Variants in GALNT18 observed in about 807,000 individuals in gnomAD.
GALNT18 encodes the protein GalNAc-transferase 18.
GALNT18 carries 44 observed loss-of-function variants against 69.5 expected under a neutral mutation model. The observed-to-expected ratio is 0.63, with a 90% CI of 0.50 to 0.81. GALNT18 has a LOEUF of 0.81. Ranked by LOEUF, GALNT18 falls within the 40% of genes least tolerant of loss-of-function variation. The pLI is 0.00. For missense variants in GALNT18, 715 were observed against 810.0 expected (o/e 0.88, Z 1.42); for synonymous variants, 364 against 318.2 (o/e 1.14, Z -1.53).
intron 1 of GALNT18, among the ~76,000 whole-genome samples, chr11:11,529,694 C>T (rs1377356982): frequency 6.6e-6 from 1 of 151,980 alleles, no homozygotes; most frequent in African/African-American, 2.4e-5. Flanking sequence ...CATGTGTGCA[C>T]GTGCATGTTA....
In GALNT18 at chr11:11,497,354, A is replaced by ACACACACG. The variant is rs1485080723; in HGVS notation, c.236-48419_236-48418insCGTGTGTG. On this transcript the variant is annotated intron_variant, in intron 1 of 10. Transcript: ENST00000227756. This position sits in a 1 kb window ranked among gnomAD's most constrained non-coding sequence, Gnocchi z 4.2. The stretch of plus-strand genomic sequence containing the variant: ...CACACACACACACACACACACACAC[A>ACACACACG]CACACACACACACACACCCCTTAGA... Among the ~76,000 whole-genome samples the ACACACACG allele has an allele frequency of 6.0e-5, 9 of 151,046 alleles. No individual in the cohort carries two copies. The East Asian group carries it at 1.6e-3, about 26-fold the overall frequency.
intron 1 of GALNT18, among the ~76,000 whole-genome samples, chr11:11,594,915 G>A (rs1859459528): frequency 8.5e-6 from 1 of 116,960 alleles, no homozygotes; most frequent in African/African-American, 2.9e-5. Context: ...TACAAAATAT[G>A]CGTGTGTGTA....
At chr11:11,531,783 A>G (rs571197753) in intron 1 of GALNT18, among the ~76,000 whole-genome samples, 1 of 152,152 alleles carries the variant, frequency 6.6e-6, no homozygotes, top group South Asian at 2.1e-4. Context: ...TGGGTCTCTC[A>G]CCCTCTCTTA....
Position 11,340,866 on chromosome 11 carries a change from C to G in GALNT18, c.1231G>C (p.Asp411His), listed in dbSNP as rs753916277. Reference sequence around the variant, plus strand: ...ATGTAGACGTGGCTTTTAAATTCATCCATCCAGACTTCAGCCACCCTGAGA... The same window carrying G: ...ATGTAGACGTGGCTTTTAAATTCATGCATCCAGACTTCAGCCACCCTGAGA... ...NALRVAEVWM[D>H]EFKSHVYMAW... Residue 411 changes from aspartate (D) to histidine (H), a missense_variant, in exon 7 of 11, where the codon GAT becomes CAT. Transcript: ENST00000227756. The surrounding 1 kb of genome is among the most constrained non-coding windows in gnomAD (Gnocchi z 4.2). 6.2e-7 allele frequency: 1 copy of G among 1,613,954 alleles called. No homozygotes were observed. The highest frequency in any genetic ancestry group is 1.7e-5 in the Admixed American group (1 of 60,008).
chr11:11,518,659 CG>C (rs1374019978), intron 1 of GALNT18, among the ~76,000 whole-genome samples: 30 of 152,322 alleles, frequency 2.0e-4, no homozygotes, highest in Admixed American at 2.0e-4. Context: ...TGAAAACACA[CG>C]GACATAGAAA....
At chr11:11,301,997 A>G (rs1849503050) in intron 9 of GALNT18, among the ~76,000 whole-genome samples, 2 of 152,194 alleles carry the variant, frequency 1.3e-5, no homozygotes, top group Admixed American at 6.5e-5. Context: ...GCCTAAAGAG[A>G]GAGTAGTTTG....
chr11:11,566,110 T>C (rs1858644803), intron 1 of GALNT18, among the ~76,000 whole-genome samples: 1 of 152,176 alleles, frequency 6.6e-6, no homozygotes, highest in Non-Finnish European at 1.5e-5. Context: ...TTTTTTTAAA[T>C]TAAAAACATA....
chr11:11,448,842 C>T lies in GALNT18; in HGVS notation c.330G>A (p.Arg110=), dbSNP rs1370094104. The T allele has an allele frequency of 5.0e-6, 8 of 1,611,950 alleles. No individual in the cohort carries two copies. The Admixed American group carries it at 8.4e-5, about 17-fold the overall frequency. Residue 110 remains arginine (R), a synonymous_variant, in exon 2 of 11, where the codon CGG becomes CGA. Coordinates refer to ENST00000227756, the MANE Select transcript of GALNT18 (RefSeq NM_198516.3). ...HWGQELSPEG[R]RVALKQFQYY... The stretch of plus-strand genomic sequence containing the variant: ...ACTGGAATTGCTTCAGGGCCACGCG[C>T]CGGCCTTCGGGGCTGAGCTCCTGGC...
chr11:11,274,631 A>G (rs1848899391), intron 10 of GALNT18, among the ~76,000 whole-genome samples: 1 of 152,218 alleles, frequency 6.6e-6, no homozygotes, highest in African/African-American at 2.4e-5. Flanking sequence ...TATGCATGCC[A>G]TGGTGGTTTG....
rs140137948 is a variant in GALNT18, at chr11:11,608,404, G to A, written c.235+12955C>T. Among the ~76,000 whole-genome samples, 696 of 152,030 alleles carry A rather than the reference G, an allele frequency of 4.6e-3. 3 individuals are homozygous for A. The highest frequency in any genetic ancestry group is 0.016 in the African/African-American group (669 of 41,432). The stretch of plus-strand genomic sequence containing the variant: ...AGACAGAGTCTTGCTCTGTCACCCA[G>A]GCTTGAGTACAATGGTGCAATCTCG... On this transcript the variant is annotated intron_variant, in intron 1 of 10. Coordinates refer to ENST00000227756, the MANE Select transcript of GALNT18 (RefSeq NM_198516.3).
At chr11:11,272,683 A>G (rs991247680) in intron 10 of GALNT18, among the ~76,000 whole-genome samples, 7 of 152,170 alleles carry the variant, frequency 4.6e-5, no homozygotes, top group Non-Finnish European at 8.8e-5. Flanking sequence ...AGCTGCAACC[A>G]TGTATCAAAG....
intron 1 of GALNT18, among the ~76,000 whole-genome samples, chr11:11,502,202 C>T (rs955773474): frequency 1.3e-5 from 2 of 152,166 alleles, no homozygotes; most frequent in African/African-American, 4.8e-5. Context: ...ATCTCTAAGG[C>T]GAAGTGAGGC....
chr11:11,308,946 G>C (rs538657944), intron 9 of GALNT18, among the ~76,000 whole-genome samples: 20 of 152,254 alleles, frequency 1.3e-4, no homozygotes, highest in African/African-American at 4.8e-4. Flanking sequence ...TACCTCTGAA[G>C]TCTAATACTC....
rs771195304 is a variant in GALNT18, at chr11:11,543,529, C to T, written c.235+77830G>A. Among the ~76,000 whole-genome samples the T allele has an allele frequency of 3.9e-4, 60 of 152,174 alleles. No individual in the cohort carries two copies. The highest frequency in any genetic ancestry group is 7.5e-4 in the Non-Finnish European group (51 of 68,032). On this transcript the variant is annotated intron_variant, in intron 1 of 10. Coordinates refer to ENST00000227756, the MANE Select transcript of GALNT18 (RefSeq NM_198516.3). The surrounding 1 kb of genome is among the most constrained non-coding windows in gnomAD (Gnocchi z 5.1). ...GGCTTCTGCACAGGACACCATTCAC[C>T]AAGTGCTGCTGGAGTCTTTCCCACA...
At chr11:11,579,634 G>A (rs553729466) in intron 1 of GALNT18, among the ~76,000 whole-genome samples, 7 of 152,258 alleles carry the variant, frequency 4.6e-5, no homozygotes, top group East Asian at 1.9e-4. Context: ...ACTGACACCT[G>A]GAGCTCCTTG....
chr11:11,544,804 A>T (rs925222406), intron 1 of GALNT18, among the ~76,000 whole-genome samples: 1 of 152,152 alleles, frequency 6.6e-6, no homozygotes, highest in Non-Finnish European at 1.5e-5. Flanking sequence ...TCTAATTCAC[A>T]CTCAGAAACA....
In GALNT18 at chr11:11,339,357, T is replaced by A. The variant is rs1467836287; in HGVS notation, c.1278+1462A>T. ...TACCATTCATTGGGTTGCTGGGCAT[T>A]TCAACACCTGTCAGCTGCAAGGGGG... On this transcript the variant is annotated intron_variant, in intron 7 of 10. Coordinates refer to ENST00000227756, the MANE Select transcript of GALNT18 (RefSeq NM_198516.3). The surrounding 1 kb of genome is among the most constrained non-coding windows in gnomAD (Gnocchi z 5.2). Among the ~76,000 whole-genome samples, 1 of 152,162 alleles carries A rather than the reference T, an allele frequency of 6.6e-6. No individual in the cohort carries two copies. The highest frequency in any genetic ancestry group is 1.9e-4 in the East Asian group (1 of 5,178).
At chr11:11,535,885 TCCTG>T (rs1365270312) in intron 1 of GALNT18, among the ~76,000 whole-genome samples, 2 of 152,190 alleles carry the variant, frequency 1.3e-5, no homozygotes, top group Non-Finnish European at 2.9e-5. Flanking sequence ...AGACGTGCTT[TCCTG>T]CCTGTTCCTC....
chr11:11,512,094 G>A lies in GALNT18; in HGVS notation c.236-63158C>T, dbSNP rs184916772. On this transcript the variant is annotated intron_variant, in intron 1 of 10. Coordinates refer to ENST00000227756, the MANE Select transcript of GALNT18 (RefSeq NM_198516.3). ...TTTACACATTCACAGATTCCCTAAA[G>A]CCCATCCAGAAGTCTAAGTTAAGAA... Among the ~76,000 whole-genome samples, 21 of 152,226 alleles carry A rather than the reference G, an allele frequency of 1.4e-4. No homozygotes were observed. In the East Asian group the frequency reaches 4.1e-3, roughly 29 times the overall value.
Sources: gnomAD v4.1 joint callset for allele counts (sites outside exome capture counted in the v4.1 genomes callset) on GRCh38, gnomAD v4.1.1 for gene constraint, Gnocchi (gnomAD v3.1) non-coding constraint, MANE v1.5 for transcripts, NCBI Gene and HGNC (gene_info 2026-07-23, HGNC 2026-07-21) for gene names.